Variants in ATP2C2 observed in about 807,000 individuals in gnomAD.
ATP2C2 encodes calcium-transporting ATPase type 2C member 2.
In ATP2C2, 171 loss-of-function variants were observed where a neutral mutation model predicts 110.8. The observed-to-expected ratio is 1.54, with a 90% CI of 1.36 to 1.75. The LOEUF (loss-of-function observed/expected upper bound fraction) is 1.75, where lower values mean the gene tolerates loss of function less well. ATP2C2 is among the 40% of genes most tolerant of loss of function. The pLI is 0.00. For synonymous variants in ATP2C2, 804 were observed against 508.4 expected (o/e 1.58, Z -7.82); for missense variants, 1,963 against 1,235.0 (o/e 1.59, Z -8.84).
chr16:84,416,783 A>G (rs1353938456), intron 7 of ATP2C2, among the ~76,000 whole-genome samples: 4 of 152,162 alleles, frequency 2.6e-5, no homozygotes, highest in African/African-American at 7.2e-5. Flanking sequence ...GTTCAGCTCC[A>G]GCAGTCAGCG....
chr16:84,417,161 C>T (rs976969119), intron 7 of ATP2C2, among the ~76,000 whole-genome samples: 34 of 152,140 alleles, frequency 2.2e-4, no homozygotes, highest in Non-Finnish European at 2.9e-5. Flanking sequence ...TGGTGATGCC[C>T]ATAGGGTACT....
rs753817918 is a variant in ATP2C2, at chr16:84,423,235, A to C, written c.891A>C (p.Gln297His). 1 of 1,614,158 alleles carries C rather than the reference A, an allele frequency of 6.2e-7. No individual in the cohort carries two copies. Among genetic ancestry groups the C allele is most frequent in the Non-Finnish European group, 8.5e-7 (1 of 1,180,014 alleles). Residue 297 changes from glutamine to histidine, a missense_variant, in exon 10 of 27, where the codon CAA becomes CAC. Gln to His is a conservative substitution (Grantham distance 24). Coordinates refer to ENST00000262429, the MANE Select transcript of ATP2C2 (RefSeq NM_014861.4). ...LQKSMDRLGK[Q>H]LTLFSFGIIG... The stretch of plus-strand genomic sequence containing the variant: ...AAAGCATGGACAGGCTAGGAAAGCA[A>C]CTGACACTCTTCTCCTTTGGCATAA...
At position 84,453,414 on chromosome 16, in the gene ATP2C2, G is replaced by A. The variant is rs76066302; in HGVS notation, c.1980+43G>A. On this transcript the variant is annotated intron_variant, in intron 20 of 26. Transcript: ENST00000262429. ...GGCACAGGCTGCGCTGCTGGGGCCG[G>A]GCCAGAGACACTGTGGCTCGAGGAG... 3 of 1,610,814 alleles carry A rather than the reference G, an allele frequency of 1.9e-6. No individual in the cohort carries two copies. The African/African-American group carries it at 4.0e-5, about 22-fold the overall frequency.
intron 16 of ATP2C2, among the ~76,000 whole-genome samples, chr16:84,447,468 T>A (rs1909854235): frequency 6.6e-6 from 1 of 151,946 alleles, no homozygotes; most frequent in Admixed American, 6.6e-5. Flanking sequence ...ATTTTAAGTC[T>A]GGGATGGAGC....
intron 2 of ATP2C2, 35 bp from the exon 3 acceptor site, chr16:84,405,093 C>T: frequency 6.4e-7 from 1 of 1,572,072 alleles, no homozygotes; most frequent in Non-Finnish European, 8.8e-7. Context: ...CTTGCTGCGC[C>T]CATGAGTGAG....
chr16:84,372,255 G>C (rs1200637158), intron 1 of ATP2C2, among the ~76,000 whole-genome samples: 2 of 152,186 alleles, frequency 1.3e-5, no homozygotes, highest in Non-Finnish European at 2.9e-5. Flanking sequence ...AACAGGCACA[G>C]TCAGATTTGT....
intron 1 of ATP2C2, among the ~76,000 whole-genome samples, chr16:84,378,289 C>T (rs949514030): frequency 1.3e-5 from 2 of 152,148 alleles, no homozygotes; most frequent in African/African-American, 4.8e-5. Flanking sequence ...CCACTCTTAA[C>T]CAGGAGCCAT....
chr16:84,399,251 A>C (rs1905176335), intron 2 of ATP2C2, among the ~76,000 whole-genome samples: 2 of 152,226 alleles, frequency 1.3e-5, no homozygotes, highest in Admixed American at 6.5e-5. Flanking sequence ...AGGAAGTTGG[A>C]AGCTAGTGTC....
chr16:84,385,456 C>A (rs534694409), intron 1 of ATP2C2, among the ~76,000 whole-genome samples: 64 of 152,240 alleles, frequency 4.2e-4, no homozygotes, highest in African/African-American at 1.5e-3. Flanking sequence ...ACCATATCAC[C>A]ATCATCATCA....
chr16:84,374,764 G>C lies in ATP2C2; in HGVS notation c.99+6050G>C, dbSNP rs148919957. 2.6e-4 allele frequency among the ~76,000 whole-genome samples: 39 copies of C among 152,284 alleles called. No individual in the cohort carries two copies. The East Asian group carries it at 7.3e-3, about 29-fold the overall frequency. On this transcript the variant is annotated intron_variant, in intron 1 of 26. Coordinates refer to ENST00000262429, the MANE Select transcript of ATP2C2 (RefSeq NM_014861.4). Reference sequence around the variant, plus strand: ...CAGAGGCCATCTGGATGAGAACACAGGCAGCTGCTATATCTTCAAGGGTTG... The same window carrying C: ...CAGAGGCCATCTGGATGAGAACACACGCAGCTGCTATATCTTCAAGGGTTG...
In ATP2C2 at chr16:84,368,657, C is replaced by T. The variant is rs1426269569; in HGVS notation, c.42C>T (p.Gly14=). The change falls in exon 1 of 27, where the codon GGC becomes GGT. Residue 14 remains glycine, a synonymous_variant. Transcript: ENST00000262429. ...GRVSEFLKKL[G]FSGGGRQYQA... is the part of the protein sequence containing the mutation. ...TCTCCGAGTTCCTGAAGAAACTCGG[C>T]TTCTCGGGCGGGGGCCGCCAGTACC... is the stretch of plus-strand genomic sequence containing the variant. The T allele has an allele frequency of 1.3e-6, 2 of 1,565,192 alleles. No homozygotes were observed. Among genetic ancestry groups the T allele is most frequent in the South Asian group, 1.1e-5 (1 of 87,004 alleles).
intron 9 of ATP2C2, 121 bp from the exon 10 acceptor site, chr16:84,423,067 A>G: frequency 2.6e-6 from 2 of 775,444 alleles, no homozygotes; most frequent in Non-Finnish European, 4.4e-6. Flanking sequence ...GAATGTTGAC[A>G]TATGTGTACC....
intron 3 of ATP2C2, among the ~76,000 whole-genome samples, chr16:84,407,977 G>C (rs977639837): frequency 6.6e-6 from 1 of 152,228 alleles, no homozygotes; most frequent in Non-Finnish European, 1.5e-5. Flanking sequence ...CATCATTGGA[G>C]TCCCTAGAGG....
intron 26 of ATP2C2, 140 bp from the exon 27 acceptor site, chr16:84,463,474 C>T (rs763176452): frequency 7.6e-5 from 53 of 700,552 alleles, no homozygotes; most frequent in Non-Finnish European, 1.2e-4. Flanking sequence ...TTAGGAAGAT[C>T]TCCCTGCCTT....
rs59552270 is a variant in ATP2C2, at chr16:84,419,208, T to TAAAAAAA, written c.625-3158_625-3152dup. Among the ~76,000 whole-genome samples the TAAAAAAA allele has an allele frequency of 2.0e-3, 97 of 47,490 alleles. 3 individuals are homozygous for TAAAAAAA. The highest frequency in any genetic ancestry group is 7.6e-3 in the African/African-American group (92 of 12,166). The allele number at this position is 47,490 out of a possible 152,430, so 31.2% of individuals were successfully genotyped here. Reference sequence around the variant, plus strand: ...GGGTGACAGAGTGAGACCCCATCTTTAAAAAAAAAAAAAAAAAAAAAAAAA... The same window carrying TAAAAAAA: ...GGGTGACAGAGTGAGACCCCATCTTTAAAAAAAAAAAAAAAAAAAAAAAAAAAAAAAA... On this transcript the variant is annotated intron_variant, in intron 7 of 26. Transcript: ENST00000262429.
rs59552270 is a variant in ATP2C2, at chr16:84,419,208, TAAAAAAAAAAAAAAAAAA to T, written c.625-3169_625-3152del. 8.4e-5 allele frequency among the ~76,000 whole-genome samples: 4 copies of T among 47,496 alleles called. No homozygotes were observed. The East Asian group carries it at 2.5e-3, about 29-fold the overall frequency. The allele number at this position is 47,496 out of a possible 152,430, so 31.2% of individuals were successfully genotyped here. A position where few individuals can be genotyped will look rare whatever the true frequency, so the allele number is the denominator to read the frequency against. On this transcript the variant is annotated intron_variant, in intron 7 of 26. Coordinates refer to ENST00000262429, the MANE Select transcript of ATP2C2 (RefSeq NM_014861.4). ...GGGTGACAGAGTGAGACCCCATCTTTAAAAAAAAAAAAAAAAAAAAAAAAAAAAAAGTGCTACTGGGGC... is the reference window on the plus strand; with the variant it reads ...GGGTGACAGAGTGAGACCCCATCTTTAAAAAAAAAAAAGTGCTACTGGGGC...
rs936590172 is a variant in ATP2C2, at chr16:84,382,301, C to T, written c.99+13587C>T. Among the ~76,000 whole-genome samples the T allele has an allele frequency of 2.0e-5, 3 of 152,162 alleles. No homozygotes were observed. In the South Asian group the frequency reaches 6.2e-4, roughly 32 times the overall value. On this transcript the variant is annotated intron_variant, in intron 1 of 26. Coordinates refer to ENST00000262429, the MANE Select transcript of ATP2C2 (RefSeq NM_014861.4). ...GTTTCCAGCTTCATCCATGTCCCTG[C>T]AAAGGACACGAACTCATCCTTTTTT... is the stretch of plus-strand genomic sequence containing the variant.
rs144722938 is a variant in ATP2C2 at position 84,462,877 on chromosome 16, G to T, written c.2723-737G>T. The T allele has an allele frequency of 1.4e-3, 217 of 153,194 alleles. 1 individual carries two copies. The highest frequency in any genetic ancestry group is 6.7e-3 in the Middle Eastern group (2 of 298). The allele number at this position is 153,194 out of a possible 1,614,324, so 9.5% of individuals were successfully genotyped here. ...CATGGCTCAGATCTGGAGGGTCATG[G>T]GATTATGCATCAGACCTGAGGCTGC... is the stretch of plus-strand genomic sequence containing the variant. On this transcript the variant is annotated intron_variant, in intron 26 of 26. Transcript: ENST00000262429.
intron 4 of ATP2C2, among the ~76,000 whole-genome samples, chr16:84,409,470 G>A (rs1906075985): frequency 6.6e-6 from 1 of 152,090 alleles, no homozygotes; most frequent in East Asian, 1.9e-4. Flanking sequence ...AATGGATTCA[G>A]ACAATACATG....
Sources: gnomAD v4.1 joint callset for allele counts (sites outside exome capture counted in the v4.1 genomes callset) on GRCh38, gnomAD v4.1.1 for gene constraint, MANE v1.5 for transcripts, NCBI Gene and HGNC (gene_info 2026-07-23, HGNC 2026-07-21) for gene names.